TNS3: variants seen among roughly 807,000 people sequenced by gnomAD.
The protein encoded by TNS3 is tensin-3.
A neutral mutation model predicts 140.9 loss-of-function variants in TNS3; 45 were observed. That is an observed-to-expected ratio of 0.32 (90% CI 0.25 to 0.41). The LOEUF (loss-of-function observed/expected upper bound fraction) is 0.41, where lower values mean the gene tolerates loss of function less well. TNS3 is among the 10% of genes least tolerant of loss of function. The pLI, the probability that TNS3 is intolerant of heterozygous loss-of-function variation, is 1.00. For synonymous variants in TNS3, 815 were observed against 788.4 expected (o/e 1.03, Z -0.56); for missense variants, 1,716 against 1,906.7 (o/e 0.90, Z 1.86).
intron 20 of TNS3, among the ~76,000 whole-genome samples, chr7:47,316,176 G>C (rs117208585): frequency 1.4e-5 from 2 of 144,776 alleles, no homozygotes; most frequent in Non-Finnish European, 3.0e-5. Context: ...GTCACATCCC[G>C]GGATTATTAT....
chr7:47,380,158 G>T (rs974158569), intron 16 of TNS3, among the ~76,000 whole-genome samples: 4 of 152,234 alleles, frequency 2.6e-5, no homozygotes, highest in Non-Finnish European at 5.9e-5. Flanking sequence ...TGTGGCAGGC[G>T]TGTCACAGAC....
At chr7:47,349,152 C>T (rs1486925424) in intron 17 of TNS3, among the ~76,000 whole-genome samples, 1 of 152,034 alleles carries the variant, frequency 6.6e-6, no homozygotes, top group Admixed American at 6.5e-5. Flanking sequence ...TTCCTCAATT[C>T]TCTCTCTCCC....
At chr7:47,436,442 G>A (rs1795185630) in intron 7 of TNS3, among the ~76,000 whole-genome samples, 1 of 152,052 alleles carries the variant, frequency 6.6e-6, no homozygotes, top group Non-Finnish European at 1.5e-5. Context: ...AGGGTGAGGG[G>A]CAAGGGGAAT....
rs112870209 is a variant in TNS3, at chr7:47,478,068, C to T, written c.-76+3035G>A. Among the ~76,000 whole-genome samples the T allele has an allele frequency of 6.6e-5, 10 of 152,310 alleles. 1 individual carries two copies. Among genetic ancestry groups the T allele is most frequent in the African/African-American group, 2.4e-4 (10 of 41,562 alleles). On this transcript the variant is annotated intron_variant, in intron 4 of 30. Coordinates refer to ENST00000311160, the MANE Select transcript of TNS3 (RefSeq NM_022748.12). Reference sequence around the variant, plus strand: ...CAAAGGCCCTCTCATGACCCCACACCACCACACGGGGAGAGCAGCCCAGAA... The same window carrying T: ...CAAAGGCCCTCTCATGACCCCACACTACCACACGGGGAGAGCAGCCCAGAA...
At chr7:47,510,105 G>A (rs1399860137) in intron 2 of TNS3, among the ~76,000 whole-genome samples, 3 of 152,134 alleles carry the variant, frequency 2.0e-5, no homozygotes, top group East Asian at 1.9e-4. Flanking sequence ...GTTTGTGGAT[G>A]AGACTGAGGA....
intron 4 of TNS3, among the ~76,000 whole-genome samples, chr7:47,470,070 T>C (rs1462418910): frequency 6.8e-6 from 1 of 146,660 alleles, no homozygotes; most frequent in Non-Finnish European, 1.5e-5. Flanking sequence ...TGCAGCAACA[T>C]AGATGGATGT....
chr7:47,436,987 C>T (rs1289260254), intron 7 of TNS3, among the ~76,000 whole-genome samples: 1 of 152,134 alleles, frequency 6.6e-6, no homozygotes, highest in Admixed American at 6.6e-5. Context: ...ATGCCAACTT[C>T]CTGACCTAGA....
At chr7:47,395,198 A>G (rs1792758439) in intron 16 of TNS3, among the ~76,000 whole-genome samples, 2 of 152,116 alleles carry the variant, frequency 1.3e-5, no homozygotes, top group Admixed American at 1.3e-4. Context: ...ACAGCCACTG[A>G]TTCATCACCT....
At chr7:47,366,447 C>T (rs1036635276) in intron 17 of TNS3, among the ~76,000 whole-genome samples, 1 of 152,204 alleles carries the variant, frequency 6.6e-6, no homozygotes, top group Non-Finnish European at 1.5e-5. Context: ...TTTCTTCACA[C>T]CTTCCCCGGG....
At position 47,328,813 on chromosome 7, in the gene TNS3, A is replaced by G. The variant is rs139432249; in HGVS notation, c.2650+15942T>C. ...CCTGCAGGTTTTCTTCCGGGCCCCAATGGGCTATAACATCCTGCCCAAACC... is the reference window on the plus strand; with the variant it reads ...CCTGCAGGTTTTCTTCCGGGCCCCAGTGGGCTATAACATCCTGCCCAAACC... On this transcript the variant is annotated intron_variant, in intron 20 of 30. Transcript: ENST00000311160. Among the ~76,000 whole-genome samples the G allele has an allele frequency of 3.8e-3, 586 of 152,290 alleles. 6 individuals are homozygous for G. Among genetic ancestry groups the G allele is most frequent in the African/African-American group, 0.013 (544 of 41,572 alleles).
chr7:47,563,687 C>G (rs372620565), intron 1 of TNS3, among the ~76,000 whole-genome samples: 1 of 152,318 alleles, frequency 6.6e-6, no homozygotes, highest in African/African-American at 2.4e-5. Flanking sequence ...TGGGTTGAGG[C>G]CACTGAGCAG....
intron 20 of TNS3, among the ~76,000 whole-genome samples, chr7:47,318,907 T>A (rs1156273048): frequency 6.6e-6 from 1 of 152,256 alleles, no homozygotes; most frequent in Non-Finnish European, 1.5e-5. Flanking sequence ...ATAACTGGAC[T>A]TGTCCACAGG....
intron 2 of TNS3, among the ~76,000 whole-genome samples, chr7:47,511,900 G>A (rs1025629483): frequency 6.6e-6 from 1 of 152,204 alleles, no homozygotes; most frequent in South Asian, 2.1e-4. Context: ...CACATGCCCT[G>A]CTGGCTGGGA....
rs1562675464 is a variant in TNS3, at chr7:47,389,098, G to GAA, written c.1024+7701_1024+7702insTT. ...AAGAAGAAGAAGAGGAAGAGGAAGA[G>GAA]GAAGCGGAAGCAGAAGAAGAAGAAG... On this transcript the variant is annotated intron_variant, in intron 16 of 30. Transcript: ENST00000311160. Among the ~76,000 whole-genome samples, 125 of 35,940 alleles carry GAA rather than the reference G, an allele frequency of 3.5e-3. 28 individuals are homozygous for GAA. In the East Asian group the frequency reaches 0.092, roughly 26 times the overall value. The allele number at this position is 35,940 out of a possible 152,430, so 23.6% of individuals were successfully genotyped here. A position where few individuals can be genotyped will look rare whatever the true frequency, so the allele number is the denominator to read the frequency against.
intron 20 of TNS3, among the ~76,000 whole-genome samples, chr7:47,333,138 G>A (rs937445785): frequency 6.6e-6 from 1 of 151,650 alleles, no homozygotes; most frequent in Admixed American, 6.6e-5. Context: ...ACCCTCAAAT[G>A]AATTCATGTT....
At chr7:47,299,043 G>A (rs560580163) in intron 23 of TNS3, among the ~76,000 whole-genome samples, 66 of 152,384 alleles carry the variant, frequency 4.3e-4, no homozygotes, top group Non-Finnish European at 7.9e-4. Context: ...GCAGGGCACA[G>A]GCCCTGGGAA....
At position 47,275,430 on chromosome 7, in the gene TNS3, C is replaced by T. The variant is rs187158759; in HGVS notation, c.*2646G>A. The T allele has an allele frequency of 1.9e-3, 311 of 166,606 alleles. 1 individual carries two copies. Among genetic ancestry groups the T allele is most frequent in the Non-Finnish European group, 3.4e-3 (260 of 76,668 alleles). The allele number at this position is 166,606 out of a possible 1,614,324, so 10.3% of individuals were successfully genotyped here. A position where few individuals can be genotyped will look rare whatever the true frequency, so the allele number is the denominator to read the frequency against. Reference sequence around the variant, plus strand: ...TACTGAGTAGTTAGTAGGACCCTGGCTATAACATGCGTTGGGCACAGTTCG... The same window carrying T: ...TACTGAGTAGTTAGTAGGACCCTGGTTATAACATGCGTTGGGCACAGTTCG... On this transcript the variant is annotated 3_prime_UTR_variant, in exon 31 of 31. Coordinates refer to ENST00000311160, the MANE Select transcript of TNS3 (RefSeq NM_022748.12).
intron 5 of TNS3, among the ~76,000 whole-genome samples, chr7:47,441,682 CT>C (rs985299339): frequency 2.0e-5 from 3 of 152,202 alleles, no homozygotes; most frequent in Non-Finnish European, 4.4e-5. Flanking sequence ...CAGGGCCCCC[CT>C]CATCTGCTCT....
rs544336777 is a variant in TNS3 at position 47,298,306 on chromosome 7, G to A, written c.3545-1093C>T. Among the ~76,000 whole-genome samples, 11 of 152,258 alleles carry A rather than the reference G, an allele frequency of 7.2e-5. No homozygotes were observed. In the South Asian group the frequency reaches 1.2e-3, roughly 17 times the overall value. ...CATGTGCCCGCCAACCCAGGGCCTC[G>A]CACAGTGGGTCACCCAGCTTCCCTG... On this transcript the variant is annotated intron_variant, in intron 23 of 30. Transcript: ENST00000311160.
Sources: allele counts gnomAD v4.1 joint callset (sites outside exome capture counted in the v4.1 genomes callset), GRCh38; gene constraint gnomAD v4.1.1; transcripts MANE v1.5; gene names NCBI Gene and HGNC (gene_info 2026-07-23, HGNC 2026-07-21).